NLRC3: variants seen among roughly 807,000 people sequenced by gnomAD.
NLRC3 encodes the protein NLR family CARD domain-containing protein 3.
Under a neutral mutation model 91.6 loss-of-function variants are expected in NLRC3, and 87 were observed. The observed-to-expected ratio is 0.95, with a 90% CI of 0.80 to 1.14. NLRC3 has a LOEUF of 1.14. NLRC3 is among the 50% of genes most tolerant of loss of function. The pLI, the probability that NLRC3 is intolerant of heterozygous loss-of-function variation, is 0.00. For missense variants in NLRC3, 1,577 were observed against 1,418.6 expected (o/e 1.11, Z -1.79); for synonymous variants, 694 against 625.3 (o/e 1.11, Z -1.64).
chr16:3,543,074 C>T (rs2151079643), intron 17 of NLRC3: 8 of 496,284 alleles, frequency 1.6e-5, no homozygotes, highest in Non-Finnish European at 2.9e-5. Flanking sequence ...GGCAGGTCCC[C>T]AGTGCTCCCA....
Position 3,577,179 on chromosome 16 carries a change from G to A in NLRC3, c.-199C>T, listed in dbSNP as rs1469060525. 1.4e-6 allele frequency: 1 copy of A among 702,924 alleles called. No homozygotes were observed. Among genetic ancestry groups the A allele is most frequent in the Non-Finnish European group, 2.6e-6 (1 of 385,020 alleles). The allele number at this position is 702,924 out of a possible 1,614,324, so 43.5% of individuals were successfully genotyped here. Reference sequence around the variant, plus strand: ...GGGCCTCGATGCTGCTCCAGGGACAGCAAGACTGGGGGGCCTGGGGGCGTC... The same window carrying A: ...GGGCCTCGATGCTGCTCCAGGGACAACAAGACTGGGGGGCCTGGGGGCGTC... On this transcript the variant is annotated 5_prime_UTR_variant, in exon 1 of 20. Coordinates refer to ENST00000359128, the MANE Select transcript of NLRC3 (RefSeq NM_178844.4).
rs368490693 is a variant in NLRC3, at chr16:3,563,836, G to A, written c.1101C>T (p.Tyr367=). Residue 367 remains tyrosine, a synonymous_variant, in exon 5 of 20, where the codon TAC becomes TAT. Coordinates refer to ENST00000359128, the MANE Select transcript of NLRC3 (RefSeq NM_178844.4). ...CCTCCCCGCTGAGGGCCATCCTAAA[G>A]TACCATGAGTAGAGCTCGCACAGGG... The part of the protein sequence containing the change: ...PRTLCELYSW[Y]FRMALSGEGQ... The A allele has an allele frequency of 9.3e-6, 15 of 1,607,886 alleles. No individual in the cohort carries two copies. The highest frequency in any genetic ancestry group is 1.2e-5 in the Non-Finnish European group (14 of 1,176,810).
chr16:3,566,780 A>G (rs2039901417), intron 2 of NLRC3, among the ~76,000 whole-genome samples: 1 of 151,834 alleles, frequency 6.6e-6, no homozygotes, highest in South Asian at 2.1e-4. Context: ...AATCCCAGCT[A>G]CTCAGGAGGC....
At chr16:3,559,374 T>A (rs2039498700) in intron 6 of NLRC3, among the ~76,000 whole-genome samples, 1 of 152,138 alleles carries the variant, frequency 6.6e-6, no homozygotes, top group Admixed American at 6.5e-5. Context: ...TTATTTTTAT[T>A]TTTAGTAAAG....
chr16:3,549,634 G>C, intron 12 of NLRC3, 63 bp downstream of exon 12: 1 of 1,244,230 alleles, frequency 8.0e-7, no homozygotes, highest in East Asian at 2.5e-5. Context: ...CCAGTGCCAA[G>C]TCCCTGCAGA....
rs1415544023 is a variant in NLRC3, at chr16:3,564,900, A to AGGGCCTGCG, written c.128_136dup (p.Pro43_Ala45dup). ...CAGCGGGGCATCCGGTGTCCTATCC[A>AGGGCCTGCG]GGGCCTGCGGGGCCTGGGAGCCTTG... On this transcript the variant is annotated inframe_insertion, in exon 4 of 20. Coordinates refer to ENST00000359128, the MANE Select transcript of NLRC3 (RefSeq NM_178844.4). This position sits in a 1 kb window ranked among gnomAD's most constrained non-coding sequence, Gnocchi z 5.9. The AGGGCCTGCG allele has an allele frequency of 7.5e-6, 12 of 1,609,884 alleles. No homozygotes were observed. The highest frequency in any genetic ancestry group is 9.3e-6 in the Non-Finnish European group (11 of 1,179,680).
chr16:3,565,837 T>G (rs2039858607), intron 2 of NLRC3, among the ~76,000 whole-genome samples: 1 of 151,420 alleles, frequency 6.6e-6, no homozygotes, highest in Non-Finnish European at 1.5e-5. Context: ...AGCCCAGGAG[T>G]TTGAGACCAG....
In NLRC3 at chr16:3,541,624, C is replaced by T; in HGVS notation, c.*201G>A. Reference sequence around the variant, plus strand: ...TGTGCCATAACAGAGTACCCGTCACCCCCTGCCTGGACCACTCCTGCAGCA... The same window carrying T: ...TGTGCCATAACAGAGTACCCGTCACTCCCTGCCTGGACCACTCCTGCAGCA... On this transcript the variant is annotated 3_prime_UTR_variant, in exon 20 of 20. Coordinates refer to ENST00000359128, the MANE Select transcript of NLRC3 (RefSeq NM_178844.4). 1.7e-6 allele frequency: 1 copy of T among 592,350 alleles called. No homozygotes were observed. Among genetic ancestry groups the T allele is most frequent in the South Asian group, 2.0e-5 (1 of 49,406 alleles). The allele number at this position is 592,350 out of a possible 1,614,324, so 36.7% of individuals were successfully genotyped here. A position where few individuals can be genotyped will look rare whatever the true frequency, so the allele number is the denominator to read the frequency against.
intron 6 of NLRC3, among the ~76,000 whole-genome samples, chr16:3,559,171 A>G (rs953350126): frequency 6.6e-6 from 1 of 152,210 alleles, no homozygotes. Flanking sequence ...GCATTCGTCC[A>G]GGCCACCTCT....
chr16:3,556,868 G>T, intron 8 of NLRC3, 43 bp downstream of exon 8: 1 of 1,377,662 alleles, frequency 7.3e-7, no homozygotes, highest in Non-Finnish European at 1.0e-6. Context: ...GGTTTTCTGG[G>T]CCCTCTCTTG....
intron 2 of NLRC3, among the ~76,000 whole-genome samples, chr16:3,566,277 C>T (rs1018068304): frequency 6.6e-6 from 1 of 151,950 alleles, no homozygotes; most frequent in Non-Finnish European, 1.5e-5. Flanking sequence ...TGGGAAGTCT[C>T]TGTACTTTCC....
At chr16:3,557,111 G>C (rs1039973933) in intron 7 of NLRC3, 117 bp from the exon 8 acceptor site, 37 of 693,908 alleles carry the variant, frequency 5.3e-5, no homozygotes, top group Non-Finnish European at 1.5e-5. Context: ...TAAGGGCTTA[G>C]GATCTCATGT....
In NLRC3 at chr16:3,549,682, G is replaced by A; in HGVS notation, c.2519+15C>T. On this transcript the variant is annotated intron_variant, in intron 12 of 19. Coordinates refer to ENST00000359128, the MANE Select transcript of NLRC3 (RefSeq NM_178844.4). ...CAAAGAAACGCCCTGTTTGGAGAGG[G>A]TGGCCAGGACTTACCTGAGGCTGAG... The A allele has an allele frequency of 6.5e-7, 1 of 1,542,408 alleles. No homozygotes were observed. Among genetic ancestry groups the A allele is most frequent in the African/African-American group, 1.4e-5 (1 of 72,968 alleles).
At chr16:3,544,158 C>T (rs990449213) in intron 16 of NLRC3, 88 bp downstream of exon 16, 4 of 779,270 alleles carry the variant, frequency 5.1e-6, no homozygotes, top group Non-Finnish European at 8.4e-6. Flanking sequence ...ACTCTTGTCT[C>T]GAGGAAAAAA....
At chr16:3,548,259 C>G (rs2038803644) in intron 14 of NLRC3, 41 bp from the exon 15 acceptor site, 2 of 1,492,548 alleles carry the variant, frequency 1.3e-6, no homozygotes, top group Admixed American at 1.9e-5. Flanking sequence ...GACTATGTGA[C>G]TATGTGGCCC....
rs1447577057 is a variant in NLRC3, at chr16:3,540,035, G to A, written c.*1790C>T. The A allele has an allele frequency of 2.0e-5, 3 of 152,214 alleles. No individual in the cohort carries two copies. Among genetic ancestry groups the A allele is most frequent in the Non-Finnish European group, 4.4e-5 (3 of 68,038 alleles). 9.4% of individuals were successfully genotyped at this position (152,214 alleles called of 1,614,324 possible). A position where few individuals can be genotyped will look rare whatever the true frequency, so the allele number is the denominator to read the frequency against. The stretch of plus-strand genomic sequence containing the variant: ...ACAAGAATACATCAGAGACGACTCC[G>A]TGGTGCATCAGACTGGGGGCATGTG... On this transcript the variant is annotated 3_prime_UTR_variant, in exon 20 of 20. Transcript: ENST00000359128.
rs761790393 is a variant in NLRC3 at position 3,548,181 on chromosome 16, C to T, written c.2725G>A (p.Ala909Thr). 3.1e-6 allele frequency: 5 copies of T among 1,596,490 alleles called. No homozygotes were observed. In the South Asian group the frequency reaches 5.7e-5, roughly 18 times the overall value. The change falls in exon 15 of 20, where the codon GCC (alanine) becomes ACC (threonine). Residue 909 changes from alanine to threonine, a missense_variant. By Grantham distance (58) the Ala-to-Thr change is moderately conservative. Transcript: ENST00000359128. ...WNFIQAGAAQ[A>T]LGQALQLNRS... ...TTGAGCTGTAGTGCTTGTCCCAGGG[C>T]CTGGGCAGCGCCGGCCTGGATGAAG... is the stretch of plus-strand genomic sequence containing the variant.
intron 8 of NLRC3, among the ~76,000 whole-genome samples, chr16:3,555,224 C>A (rs139833463): frequency 7.4e-6 from 1 of 134,864 alleles, no homozygotes; most frequent in African/African-American, 2.7e-5. Flanking sequence ...AGTCAGACTC[C>A]GTCTCAAAAA....
rs374807677 is a variant in NLRC3, at chr16:3,557,650, T to C, written c.2042A>G (p.Lys681Arg). The change falls in exon 7 of 20, where the codon AAA (lysine) becomes AGA (arginine). Residue 681 changes from lysine to arginine, a missense_variant. Lys to Arg is a conservative substitution (Grantham distance 26). Transcript: ENST00000359128. ...ISLAENQISN[K>R]GAKALARSLL... Reference sequence around the variant, plus strand: ...GGATCTGGCCAGAGCTTTGGCCCCTTTGTTACTGATCTGGTTCTCCGCCAA... The same window carrying C: ...GGATCTGGCCAGAGCTTTGGCCCCTCTGTTACTGATCTGGTTCTCCGCCAA... 2.0e-5 allele frequency: 32 copies of C among 1,613,492 alleles called. No individual in the cohort carries two copies. In the African/African-American group the frequency reaches 4.0e-4, roughly 20 times the overall value.
Sources: allele counts gnomAD v4.1 joint callset (sites outside exome capture counted in the v4.1 genomes callset), GRCh38; gene constraint gnomAD v4.1.1; non-coding constraint Gnocchi (gnomAD v3.1); transcripts MANE v1.5; gene names NCBI Gene and HGNC (gene_info 2026-07-23, HGNC 2026-07-21).